The following SLC24A1 variants were observed in gnomAD, a reference collection of about 807,000 sequenced individuals.
SLC24A1 encodes sodium/potassium/calcium exchanger 1.
SLC24A1 carries 52 observed loss-of-function variants against 88.1 expected under a neutral mutation model. The ratio of observed to expected loss-of-function variants is 0.59; its 90% CI spans 0.47 to 0.74. SLC24A1 has a LOEUF of 0.74. Among genes scored for constraint, SLC24A1 ranks in the 30% least tolerant of loss-of-function variants. The probability of loss-of-function intolerance (pLI) is 0.00; values close to 1 mark genes in which losing one functional copy is unlikely to be tolerated. For missense variants in SLC24A1, 1,173 were observed against 1,363.3 expected, an observed-to-expected ratio of 0.86 and a Z score of 2.20; for synonymous variants, 455 against 498.0, an observed-to-expected ratio of 0.91 and a Z score of 1.15.
Position 65,654,653 on chromosome 15 carries a change from A to G in SLC24A1, c.*574A>G, listed in dbSNP as rs2075614919. The G allele has an allele frequency of 7.9e-7, 1 of 1,272,132 alleles. No homozygotes were observed. Among genetic ancestry groups the G allele is most frequent in the African/African-American group, 1.6e-5 (1 of 64,256 alleles). The allele number at this position is 1,272,132 out of a possible 1,614,324, so 78.8% of individuals were successfully genotyped here. ...AAAAAAAAGAAATATAACAGGAATTAATGATCATTCCACGTTTTGTAGCCC... is the reference window on the plus strand; with the variant it reads ...AAAAAAAAGAAATATAACAGGAATTGATGATCATTCCACGTTTTGTAGCCC... On this transcript the variant is annotated 3_prime_UTR_variant, in exon 10 of 10. Coordinates refer to ENST00000261892, the MANE Select transcript of SLC24A1 (RefSeq NM_004727.3).
At chr15:65,635,513 G>C (rs894559941) in intron 2 of SLC24A1, among the ~76,000 whole-genome samples, 19 of 150,034 alleles carry the variant, frequency 1.3e-4, no homozygotes, top group African/African-American at 4.7e-4. Flanking sequence ...TTGGATGTGA[G>C]AAATAGTGAG....
Position 65,639,581 on chromosome 15 carries a change from C to T in SLC24A1, c.1945-14C>T. 6.5e-7 allele frequency: 1 copy of T among 1,528,670 alleles called. No homozygotes were observed. The highest frequency in any genetic ancestry group is 8.9e-7 in the Non-Finnish European group (1 of 1,122,564). 94.7% of individuals were successfully genotyped at this position (1,528,670 alleles called of 1,614,324 possible). A position where few individuals can be genotyped will look rare whatever the true frequency, so the allele number is the denominator to read the frequency against. The stretch of plus-strand genomic sequence containing the variant: ...TTGGACAGGGGCCCACTGTGCGGCT[C>T]TCCTCTTGCTCAGCTCCCGTCCTTG... On this transcript the variant is annotated splice_polypyrimidine_tract_variant and intron_variant, in intron 3 of 9. Transcript: ENST00000261892.
intron 2 of SLC24A1, among the ~76,000 whole-genome samples, chr15:65,630,808 T>C (rs1485189871): frequency 6.6e-6 from 1 of 152,048 alleles, no homozygotes; most frequent in African/African-American, 2.4e-5. Flanking sequence ...TCATCTCTAC[T>C]AAAAATACAA....
chr15:65,614,559 A>G (rs1839438583), intron 2 of SLC24A1, among the ~76,000 whole-genome samples: 1 of 152,168 alleles, frequency 6.6e-6, no homozygotes, highest in African/African-American at 2.4e-5. Context: ...TATTTGGAAA[A>G]CTGTGCTCCC....
At chr15:65,644,003 C>T (rs1477194964) in intron 4 of SLC24A1, 1 of 183,772 alleles carries the variant, frequency 5.4e-6, no homozygotes, top group Non-Finnish European at 1.1e-5. Flanking sequence ...CATTCCATGT[C>T]TATCACAGAC....
intron 4 of SLC24A1, among the ~76,000 whole-genome samples, chr15:65,641,887 C>A (rs938977908): frequency 4.6e-5 from 7 of 152,230 alleles, no homozygotes; most frequent in African/African-American, 1.7e-4. Flanking sequence ...GATGTTCAGG[C>A]CAGGCTGAGG....
chr15:65,654,327 A>T lies in SLC24A1; in HGVS notation c.*248A>T. On this transcript the variant is annotated 3_prime_UTR_variant, in exon 10 of 10. Transcript: ENST00000261892. Reference sequence around the variant, plus strand: ...CCTGACTCATGCAGACATCTATTACATGGAGGCAGTAGAAGGACCCCTGGA... The same window carrying T: ...CCTGACTCATGCAGACATCTATTACTTGGAGGCAGTAGAAGGACCCCTGGA... 1 of 1,296,208 alleles carries T rather than the reference A, an allele frequency of 7.7e-7. No homozygotes were observed. Among genetic ancestry groups the T allele is most frequent in the Non-Finnish European group, 9.8e-7 (1 of 1,022,656 alleles). The allele number at this position is 1,296,208 out of a possible 1,614,324, so 80.3% of individuals were successfully genotyped here. A position where few individuals can be genotyped will look rare whatever the true frequency, so the allele number is the denominator to read the frequency against.
chr15:65,646,268 G>A (rs1298232428), intron 6 of SLC24A1, among the ~76,000 whole-genome samples: 8 of 151,748 alleles, frequency 5.3e-5, no homozygotes, highest in Non-Finnish European at 1.2e-4. Flanking sequence ...TAGTAGAGAC[G>A]GGGTTTCAAC....
At chr15:65,653,522 A>G (rs2075575523) in intron 9 of SLC24A1, among the ~76,000 whole-genome samples, 1 of 152,148 alleles carries the variant, frequency 6.6e-6, no homozygotes, top group Non-Finnish European at 1.5e-5. Flanking sequence ...AAAAAAAAAA[A>G]AAGGCACACA....
chr15:65,623,005 G>C (rs1324344928), intron 1 of SLC24A1, among the ~76,000 whole-genome samples: 1 of 152,068 alleles, frequency 6.6e-6, no homozygotes, highest in Admixed American at 6.6e-5. Flanking sequence ...GCCTCCCAAA[G>C]TGCAGGGATT....
Position 65,639,685 on chromosome 15 carries a change from C to T in SLC24A1, c.2035C>T (p.Leu679=), listed in dbSNP as rs926770311. Residue 679 remains leucine, a synonymous_variant, in exon 4 of 10, where the codon CTG becomes TTG. Coordinates refer to ENST00000261892, the MANE Select transcript of SLC24A1 (RefSeq NM_004727.3). ...STIYQLMLHS[L]DPLREVRLAK... ...CATCTACCAGCTCATGCTCCACAGC[C>T]TGGACCCCCTGAGGGAAGGTAAGCA... 1 of 1,611,506 alleles carries T rather than the reference C, an allele frequency of 6.2e-7. No individual in the cohort carries two copies. Among genetic ancestry groups the T allele is most frequent in the Non-Finnish European group, 8.5e-7 (1 of 1,178,770 alleles).
chr15:65,620,629 G>A (rs996061285), upstream of SLC24A1, among the ~76,000 whole-genome samples: 48 of 152,238 alleles, frequency 3.2e-4, no homozygotes, highest in African/African-American at 1.1e-3. Flanking sequence ...TACCCCCAGC[G>A]GGTAGGATTT....
At chr15:65,623,805 G>T (rs2074402843) in intron 1 of SLC24A1, 150 bp from the exon 2 acceptor site, 1 of 356,516 alleles carries the variant, frequency 2.8e-6, no homozygotes, top group Non-Finnish European at 5.0e-6. Context: ...CTCTGGAGCA[G>T]GGGGCAGGAG....
At chr15:65,643,126 T>C (rs2075186944) in intron 4 of SLC24A1, 2 of 813,404 alleles carry the variant, frequency 2.5e-6, no homozygotes, top group Admixed American at 2.4e-5. Flanking sequence ...ACCATATTCA[T>C]GTATAAATTC....
chr15:65,660,780 G>A (rs1362750992), downstream of SLC24A1: 2 of 151,968 alleles, frequency 1.3e-5, no homozygotes, highest in Non-Finnish European at 2.9e-5. Context: ...CTTTTAGAGG[G>A]GAATTTTTCT....
chr15:65,630,227 C>G (rs1346668478), intron 2 of SLC24A1, among the ~76,000 whole-genome samples: 1 of 152,174 alleles, frequency 6.6e-6, no homozygotes, highest in African/African-American at 2.4e-5. Flanking sequence ...TGGCTTCAAG[C>G]AATCCTCTCA....
Position 65,624,681 on chromosome 15 carries a change from G to A in SLC24A1, c.601G>A (p.Val201Met), listed in dbSNP as rs200714082. The A allele has an allele frequency of 5.3e-5, 85 of 1,602,768 alleles. 1 individual carries two copies. The East Asian group carries it at 7.2e-4, about 14-fold the overall frequency. Residue 201 changes from valine to methionine, a missense_variant, in exon 2 of 10, where the codon GTG becomes ATG. Coordinates refer to ENST00000261892, the MANE Select transcript of SLC24A1 (RefSeq NM_004727.3). ...SPRGRRVGTY[V>M]PSTFMTMETS... Reference sequence around the variant, plus strand: ...ACGTGGTAGAAGAGTAGGCACTTACGTGCCGTCCACATTCATGACAATGGA... The same window carrying A: ...ACGTGGTAGAAGAGTAGGCACTTACATGCCGTCCACATTCATGACAATGGA...
intron 2 of SLC24A1, among the ~76,000 whole-genome samples, chr15:65,637,316 C>T (rs962678624): frequency 1.3e-4 from 16 of 119,278 alleles, no homozygotes; most frequent in African/African-American, 5.1e-4. Flanking sequence ...AATGTGTTCA[C>T]TGTTATACAG....
chr15:65,651,567 TC>T (rs2075506916), intron 7 of SLC24A1, 102 bp from the exon 8 acceptor site: 4 of 691,098 alleles, frequency 5.8e-6, no homozygotes, highest in Non-Finnish European at 1.1e-5. Context: ...CCTCCATCAC[TC>T]TTCCATTAGA....
Sources: allele counts gnomAD v4.1 joint callset (sites outside exome capture counted in the v4.1 genomes callset), GRCh38; gene constraint gnomAD v4.1.1; transcripts MANE v1.5; gene names NCBI Gene and HGNC (gene_info 2026-07-23, HGNC 2026-07-21).